EIF3A: variants seen among roughly 807,000 people sequenced by gnomAD.
The protein encoded by EIF3A is EIF3, p180 subunit.
EIF3A carries 21 observed loss-of-function variants against 186.6 expected under a neutral mutation model. The observed-to-expected ratio is 0.11, with a 90% CI of 0.08 to 0.16. The LOEUF is 0.16. Among genes scored for constraint, EIF3A ranks in the 10% least tolerant of loss-of-function variants. The pLI, the probability that EIF3A is intolerant of heterozygous loss-of-function variation, is 1.00. For synonymous variants in EIF3A, 563 were observed against 584.3 expected (o/e 0.96, Z 0.52); for missense variants, 1,306 against 1,796.3 (o/e 0.73, Z 4.93).
chr10:119,037,065 C>CG lies in EIF3A; in HGVS notation c.3919+53_3919+54insC, dbSNP rs1372623824. ...ATATAATTAAATAACCCAAATCCCCCCCCCCCCAGAAACGACAGTTCTCCA... is the reference window on the plus strand; with the variant it reads ...ATATAATTAAATAACCCAAATCCCCCGCCCCCCCAGAAACGACAGTTCTCCA... On this transcript the variant is annotated intron_variant, in intron 21 of 21. Transcript: ENST00000369144. 8 of 717,054 alleles carry CG rather than the reference C, an allele frequency of 1.1e-5. 1 individual carries two copies. The African/African-American group carries it at 1.4e-4, about 13-fold the overall frequency. 44.4% of individuals were successfully genotyped at this position (717,054 alleles called of 1,614,324 possible). A position where few individuals can be genotyped will look rare whatever the true frequency, so the allele number is the denominator to read the frequency against.
intron 19 of EIF3A, among the ~76,000 whole-genome samples, chr10:119,041,357 G>A (rs994604892): frequency 6.6e-6 from 1 of 152,110 alleles, no homozygotes; most frequent in East Asian, 1.9e-4. Flanking sequence ...AGGATAACTT[G>A]GGCCCAGGAG....
intron 7 of EIF3A, among the ~76,000 whole-genome samples, chr10:119,063,447 G>A (rs1199119196): frequency 1.3e-5 from 2 of 152,306 alleles, no homozygotes; most frequent in African/African-American, 4.8e-5. Context: ...TTATCAGAGT[G>A]AATATAGGTG....
intron 19 of EIF3A, among the ~76,000 whole-genome samples, chr10:119,040,512 C>T (rs1374059342): frequency 6.6e-6 from 1 of 152,188 alleles, no homozygotes; most frequent in Non-Finnish European, 1.5e-5. Context: ...TTCAGTAAGA[C>T]TACCAAGTGG....
chr10:119,070,742 C>G (rs1028780943), intron 5 of EIF3A, 144 bp downstream of exon 5: 2 of 634,520 alleles, frequency 3.2e-6, no homozygotes, highest in South Asian at 2.0e-5. Flanking sequence ...TTGTTCAGAA[C>G]TTTTCCCAGT....
At chr10:119,057,735 A>G (rs1001678545) in intron 12 of EIF3A, among the ~76,000 whole-genome samples, 8 of 152,172 alleles carry the variant, frequency 5.3e-5, no homozygotes, top group Non-Finnish European at 7.3e-5. Flanking sequence ...AGATCACGTC[A>G]CTGCACTCCA....
chr10:119,060,889 A>G, intron 8 of EIF3A, 45 bp from the exon 9 acceptor site: 2 of 1,316,640 alleles, frequency 1.5e-6, no homozygotes, highest in East Asian at 2.3e-5. Flanking sequence ...TTTCTACATA[A>G]GAGATACTAA....
chr10:119,036,397 T>C, intron 21 of EIF3A, 129 bp from the exon 22 acceptor site: 1 of 631,220 alleles, frequency 1.6e-6, no homozygotes, highest in Non-Finnish European at 2.7e-6. Flanking sequence ...TTCTGTTAAA[T>C]TCTGTATTGT....
intron 7 of EIF3A, among the ~76,000 whole-genome samples, chr10:119,062,179 CCTAA>C (rs1404837502): frequency 1.3e-5 from 2 of 152,046 alleles, no homozygotes; most frequent in South Asian, 2.1e-4. Context: ...AATAAAATTC[CCTAA>C]CTTAGAATCT....
chr10:119,074,460 C>G lies in EIF3A; in HGVS notation c.50-523G>C, dbSNP rs556048611. 3.1e-5 allele frequency among the ~76,000 whole-genome samples: 3 copies of G among 97,050 alleles called. No individual in the cohort carries two copies. In the South Asian group the frequency reaches 1.3e-3, roughly 42 times the overall value. The allele number at this position is 97,050 out of a possible 152,430, so 63.7% of individuals were successfully genotyped here. On this transcript the variant is annotated intron_variant, in intron 1 of 21. Coordinates refer to ENST00000369144, the MANE Select transcript of EIF3A (RefSeq NM_003750.4). The stretch of plus-strand genomic sequence containing the variant: ...AGCCTGGGTGACAAGAGCGAAATTC[C>G]GTGTCTCAAAAAAAAAAAATAAAAT...
intron 14 of EIF3A, among the ~76,000 whole-genome samples, chr10:119,055,895 C>T (rs988977978): frequency 6.6e-6 from 1 of 152,058 alleles, no homozygotes; most frequent in Admixed American, 6.6e-5. Context: ...TCCAAATCAA[C>T]CCAATTTGGT....
In EIF3A at chr10:119,076,857, A is replaced by T. The variant is rs192431644; in HGVS notation, c.50-2920T>A. On this transcript the variant is annotated intron_variant, in intron 1 of 21. Coordinates refer to ENST00000369144, the MANE Select transcript of EIF3A (RefSeq NM_003750.4). Reference sequence around the variant, plus strand: ...AGGCTGAGACTTTAGAATCACTTGAACCCAGGAGGCGGAGGTTGCAGTGAG... The same window carrying T: ...AGGCTGAGACTTTAGAATCACTTGATCCCAGGAGGCGGAGGTTGCAGTGAG... 6.3e-4 allele frequency among the ~76,000 whole-genome samples: 93 copies of T among 148,704 alleles called. 1 individual carries two copies. Among genetic ancestry groups the T allele is most frequent in the African/African-American group, 2.2e-3 (91 of 40,608 alleles).
At chr10:119,036,371 T>C (rs962799870) in intron 21 of EIF3A, 103 bp from the exon 22 acceptor site, 5 of 703,688 alleles carry the variant, frequency 7.1e-6, no homozygotes, top group Middle Eastern at 3.4e-4. Flanking sequence ...ACAGAAATCA[T>C]TGTTAAATAC....
In EIF3A at chr10:119,038,232, T is replaced by C. The variant is rs549841397; in HGVS notation, c.3728+6A>G. ...CTCTACAAATAATTTAATTAGAGCATCACACCTAGGTCTTCTGAAGCGATC... is the reference window on the plus strand; with the variant it reads ...CTCTACAAATAATTTAATTAGAGCACCACACCTAGGTCTTCTGAAGCGATC... On this transcript the variant is annotated splice_donor_region_variant and intron_variant, in intron 20 of 21. Transcript: ENST00000369144. The C allele has an allele frequency of 1.2e-6, 2 of 1,612,222 alleles. No homozygotes were observed. The highest frequency in any genetic ancestry group is 1.7e-6 in the Non-Finnish European group (2 of 1,178,866).
At chr10:119,058,736 T>C (rs1485672001) in intron 11 of EIF3A, among the ~76,000 whole-genome samples, 1 of 152,116 alleles carries the variant, frequency 6.6e-6, no homozygotes, top group African/African-American at 2.4e-5. Context: ...TACAAAACAT[T>C]AGCTGTGCAC....
intron 17 of EIF3A, 103 bp downstream of exon 17, chr10:119,049,698 G>T: frequency 2.1e-6 from 2 of 975,176 alleles, no homozygotes; most frequent in South Asian, 1.6e-5. Flanking sequence ...TTGCACCACT[G>T]TACTCCAGCC....
intron 3 of EIF3A, 43 bp downstream of exon 3, chr10:119,073,397 CA>C (rs1336499004): frequency 7.0e-7 from 1 of 1,429,682 alleles, no homozygotes; most frequent in Non-Finnish European, 9.6e-7. Flanking sequence ...AAGAAAACAC[CA>C]AGTTAACTAT....
rs1296013561 is a variant in EIF3A, at chr10:119,041,985, G to A, written c.3526+9C>T. 3 of 1,612,692 alleles carry A rather than the reference G, an allele frequency of 1.9e-6. No homozygotes were observed. Among genetic ancestry groups the A allele is most frequent in the Middle Eastern group, 1.7e-4 (1 of 6,050 alleles). On this transcript the variant is annotated intron_variant, in intron 19 of 21. Transcript: ENST00000369144. The stretch of plus-strand genomic sequence containing the variant: ...ACACTTAAGCATATTCTAGGAAATA[G>A]AATTTTACCTGGCTTGACTAATGGT...
At chr10:119,046,902 G>T (rs567467091) in intron 17 of EIF3A, among the ~76,000 whole-genome samples, 44 of 151,614 alleles carry the variant, frequency 2.9e-4, no homozygotes, top group African/African-American at 1.0e-3. Flanking sequence ...GGCTGCAGTG[G>T]GCCGAGATCT....
In EIF3A at chr10:119,050,599, T is replaced by C. The variant is rs749026139; in HGVS notation, c.2395A>G (p.Lys799Glu). Reference protein sequence around the residue: ...NRLEERKRQRKEERRITYYRE... With the variant: ...NRLEERKRQREEERRITYYRE... ...TAGTATGTTATCCTGCGTTCTTCTT[T>C]ACGCTGCCTTTTCCGTTCTTCCAAT... is the stretch of plus-strand genomic sequence containing the variant. Residue 799 changes from lysine to glutamate, a missense_variant, in exon 16 of 22, where the codon AAA becomes GAA. By Grantham distance (56) the Lys-to-Glu change is moderately conservative. Coordinates refer to ENST00000369144, the MANE Select transcript of EIF3A (RefSeq NM_003750.4). 4 of 1,613,976 alleles carry C rather than the reference T, an allele frequency of 2.5e-6. No homozygotes were observed. Among genetic ancestry groups the C allele is most frequent in the East Asian group, 2.2e-5 (1 of 44,896 alleles).
Sources: allele counts gnomAD v4.1 joint callset (sites outside exome capture counted in the v4.1 genomes callset), GRCh38; gene constraint gnomAD v4.1.1; transcripts MANE v1.5; gene names NCBI Gene and HGNC (gene_info 2026-07-23, HGNC 2026-07-21).